ABCC11: variants seen among roughly 807,000 people sequenced by gnomAD.
ABCC11 encodes ATP binding cassette subfamily C member 11.
Under a neutral mutation model 149.3 loss-of-function variants are expected in ABCC11, and 135 were observed. The ratio of observed to expected loss-of-function variants is 0.90; its 90% confidence interval spans 0.79 to 1.04. The LOEUF (loss-of-function observed/expected upper bound fraction) is 1.04, where lower values mean the gene tolerates loss of function less well. Among genes scored for constraint, ABCC11 ranks in the 50% least tolerant of loss-of-function variants. The probability of loss-of-function intolerance (pLI) is 0.00; values close to 1 mark genes in which losing one functional copy is unlikely to be tolerated. For missense variants in ABCC11, 1,680 were observed against 1,722.1 expected, an observed-to-expected ratio of 0.98 and a Z score of 0.43; for synonymous variants, 665 against 671.4, an observed-to-expected ratio of 0.99 and a Z score of 0.15.
chr16:48,211,137 A>G lies in ABCC11; in HGVS notation c.1419T>C (p.Ala473=). The G allele has an allele frequency of 6.2e-7, 1 of 1,614,118 alleles. No individual in the cohort carries two copies. Among genetic ancestry groups the G allele is most frequent in the Non-Finnish European group, 8.5e-7 (1 of 1,180,040 alleles). The change falls in exon 11 of 30, where the codon GCT becomes GCC. Residue 473 remains alanine, a synonymous_variant. Coordinates refer to ENST00000356608, the MANE Select transcript of ABCC11 (RefSeq NM_001370497.1). The part of the protein sequence containing the change: ...YVQTLQDPSK[A]LVFEEATLSW... Reference sequence around the variant, plus strand: ...ACAAGGTGGCCTCCTCAAAGACCAGAGCTTTGCTGGGGTCTTGTAATGTCT... The same window carrying G: ...ACAAGGTGGCCTCCTCAAAGACCAGGGCTTTGCTGGGGTCTTGTAATGTCT...
chr16:48,182,388 G>A (rs184654486), intron 23 of ABCC11, among the ~76,000 whole-genome samples: 1 of 152,174 alleles, frequency 6.6e-6, no homozygotes, highest in East Asian at 2.0e-4. Flanking sequence ...CTGACTGGGA[G>A]CTTCCACTGA....
chr16:48,175,546 A>C, intron 25 of ABCC11, 129 bp from the exon 26 acceptor site: 1 of 1,132,040 alleles, frequency 8.8e-7, no homozygotes, highest in Non-Finnish European at 1.2e-6. Flanking sequence ...TGAGCCCTGA[A>C]GGGGTAGGAG....
intron 1 of ABCC11, chr16:48,244,640 G>A: frequency 7.6e-7 from 1 of 1,309,364 alleles, no homozygotes; most frequent in Non-Finnish European, 9.7e-7. Context: ...GGCTGCCCCC[G>A]CGGCGGCGGC....
rs1303287022 is a variant in ABCC11, at chr16:48,178,885, T to C, written c.3259-199A>G. ...GTTTAGCTGCAGCTGCGATGGGCAA[T>C]TCTGGGGGAGAACCTCCCCAGACAC... On this transcript the variant is annotated intron_variant, in intron 23 of 29. Coordinates refer to ENST00000356608, the MANE Select transcript of ABCC11 (RefSeq NM_001370497.1). 3.9e-5 allele frequency among the ~76,000 whole-genome samples: 6 copies of C among 152,262 alleles called. No homozygotes were observed. The South Asian group carries it at 1.0e-3, about 26-fold the overall frequency.
chr16:48,165,192 C>G (rs1965294891), downstream of ABCC11: 1 of 152,566 alleles, frequency 6.6e-6, no homozygotes, highest in South Asian at 2.1e-4. Flanking sequence ...GAGAGTCACC[C>G]TCAATGGGCA....
At chr16:48,237,693 A>G (rs1416709258) in intron 1 of ABCC11, among the ~76,000 whole-genome samples, 2 of 152,200 alleles carry the variant, frequency 1.3e-5, no homozygotes, top group Non-Finnish European at 1.5e-5. Context: ...AGAGCCCTCT[A>G]TAATCTGACT....
chr16:48,212,361 C>T (rs113139379), intron 10 of ABCC11, among the ~76,000 whole-genome samples: 2 of 152,256 alleles, frequency 1.3e-5, no homozygotes, highest in African/African-American at 4.8e-5. Flanking sequence ...CCCTGGGGCA[C>T]ACTGGAAGAA....
intron 14 of ABCC11, among the ~76,000 whole-genome samples, chr16:48,202,676 A>G (rs776789299): frequency 1.3e-5 from 2 of 152,278 alleles, no homozygotes; most frequent in African/African-American, 4.8e-5. Context: ...TATTGAGATT[A>G]TCGTGACTCT....
chr16:48,243,102 T>TAA (rs56708623), intron 1 of ABCC11, among the ~76,000 whole-genome samples: 6,892 of 142,930 alleles, frequency 0.048, 217 homozygotes, highest in Middle Eastern at 0.15. Context: ...ATCAAGGTTG[T>TAA]AAAAAAAAAA....
At chr16:48,244,414 T>A (rs1017946728) in intron 1 of ABCC11, 2 of 1,579,416 alleles carry the variant, frequency 1.3e-6, no homozygotes, top group Non-Finnish European at 1.7e-6. Context: ...CCCATCCAGA[T>A]CCCCAGTCGC....
chr16:48,176,912 A>C lies in ABCC11; in HGVS notation c.3538+12T>G. On this transcript the variant is annotated intron_variant, in intron 25 of 29. Transcript: ENST00000356608. ...AGGAGCTGGGGACGCTCGCCCAGGAAGCTCAGCTCACCAGAGCCCGTCCTT... is the reference window on the plus strand; with the variant it reads ...AGGAGCTGGGGACGCTCGCCCAGGACGCTCAGCTCACCAGAGCCCGTCCTT... The C allele has an allele frequency of 3.1e-6, 5 of 1,612,200 alleles. No individual in the cohort carries two copies. The highest frequency in any genetic ancestry group is 4.2e-6 in the Non-Finnish European group (5 of 1,179,516).
At chr16:48,212,901 G>A (rs528970312) in intron 10 of ABCC11, among the ~76,000 whole-genome samples, 64 of 152,270 alleles carry the variant, frequency 4.2e-4, no homozygotes, top group Admixed American at 2.2e-3. Context: ...ATGATAAATG[G>A]TAAGTAAAAT....
Position 48,214,895 on chromosome 16 carries a change from G to A in ABCC11, c.1234C>T (p.Leu412Phe). Residue 412 changes from leucine (L) to phenylalanine (F), a missense_variant, in exon 9 of 30, where the codon CTC becomes TTC. Transcript: ENST00000356608. Reference protein sequence around the residue: ...VLIHTSLKLKLTASMAFSMLA... With the variant: ...VLIHTSLKLKFTASMAFSMLA... Reference sequence around the variant, plus strand: ...CAAACCCTTACCATTGACGCTGTGAGTTTCAGCTTTAAGGATGTGTGGATG... The same window carrying A: ...CAAACCCTTACCATTGACGCTGTGAATTTCAGCTTTAAGGATGTGTGGATG... 6.2e-7 allele frequency: 1 copy of A among 1,614,192 alleles called. No homozygotes were observed.
intron 1 of ABCC11, among the ~76,000 whole-genome samples, chr16:48,241,575 C>T (rs546626687): frequency 5.2e-4 from 79 of 152,256 alleles, no homozygotes; most frequent in Non-Finnish European, 1.0e-3. Context: ...AAAAAAGAGC[C>T]GGCATTGCCA....
At chr16:48,164,965 A>G (rs1332993194), downstream of ABCC11, 1 of 152,150 alleles carries the variant, frequency 6.6e-6, no homozygotes, top group African/African-American at 2.4e-5. Flanking sequence ...TCCAGGGGTC[A>G]ACACTTTTGT....
chr16:48,174,125 C>T (rs1965887096), intron 26 of ABCC11, among the ~76,000 whole-genome samples: 1 of 152,210 alleles, frequency 6.6e-6, no homozygotes, highest in Non-Finnish European at 1.5e-5. Context: ...GCATTTTGTA[C>T]ATATCTCTGA....
chr16:48,233,836 G>C (rs1208812178), intron 1 of ABCC11, among the ~76,000 whole-genome samples: 1 of 152,210 alleles, frequency 6.6e-6, no homozygotes, highest in Non-Finnish European at 1.5e-5. Flanking sequence ...AATGCTACTT[G>C]ACATTTTGCT....
chr16:48,222,625 C>T lies in ABCC11; in HGVS notation c.750G>A (p.Lys250=). 6.2e-7 allele frequency: 1 copy of T among 1,614,146 alleles called. No individual in the cohort carries two copies. Among genetic ancestry groups the T allele is most frequent in the Non-Finnish European group, 8.5e-7 (1 of 1,180,046 alleles). Reference sequence around the variant, plus strand: ...CTCCTGAGGTGATGTGTATTACAGACTTAAATTGGATGAGCTTCTCAAAGG... The same window carrying T: ...CTCCTGAGGTGATGTGTATTACAGATTTAAATTGGATGAGCTTCTCAAAGG... The part of the protein sequence containing the change: ...SFAFEKLIQF[K]SVIHITSGEA... Residue 250 remains lysine, a synonymous_variant, in exon 6 of 30, where the codon AAG becomes AAA. Transcript: ENST00000356608.
At chr16:48,220,631 T>C (rs1205566555) in intron 6 of ABCC11, among the ~76,000 whole-genome samples, 1 of 152,166 alleles carries the variant, frequency 6.6e-6, no homozygotes, top group Non-Finnish European at 1.5e-5. Context: ...AACAATCCTA[T>C]GAGGTTGGTT....
Sources: gnomAD v4.1 joint callset for allele counts (sites outside exome capture counted in the v4.1 genomes callset) on GRCh38, gnomAD v4.1.1 for gene constraint, MANE v1.5 for transcripts, NCBI Gene and HGNC (gene_info 2026-07-23, HGNC 2026-07-21) for gene names.